The following FAM186A variants were observed in gnomAD, a reference collection of about 807,000 sequenced individuals.
The protein encoded by FAM186A is protein FAM186A.
In FAM186A, 163 loss-of-function variants were observed where a neutral mutation model predicts 216.8. The ratio of observed to expected loss-of-function variants is 0.75; its 90% confidence interval spans 0.66 to 0.86. FAM186A has a LOEUF of 0.86. Among genes scored for constraint, FAM186A ranks in the 40% least tolerant of loss-of-function variants. FAM186A has a pLI of 0.00. For missense variants in FAM186A, 2,184 were observed against 2,746.2 expected (o/e 0.80, Z 4.58); for synonymous variants, 805 against 1,025.3 (o/e 0.79, Z 4.10).
At chr12:50,387,370 C>G (rs1444225219) in intron 1 of FAM186A, among the ~76,000 whole-genome samples, 4 of 152,320 alleles carry the variant, frequency 2.6e-5, no homozygotes, top group Admixed American at 1.3e-4. Context: ...TACATTGTCT[C>G]TGTTGTATAC....
intron 1 of FAM186A, among the ~76,000 whole-genome samples, chr12:50,381,163 G>C (rs998178830): frequency 6.6e-6 from 1 of 152,190 alleles, no homozygotes; most frequent in Non-Finnish European, 1.5e-5. Flanking sequence ...TCCCCGAAGG[G>C]CCACAGCTCT....
At chr12:50,367,997 T>C (rs1213359610) in intron 1 of FAM186A, among the ~76,000 whole-genome samples, 2 of 151,666 alleles carry the variant, frequency 1.3e-5, no homozygotes, top group Non-Finnish European at 2.9e-5. Context: ...ATACAAAAAT[T>C]ATTCAGCTAT....
chr12:50,355,878 C>CT lies in FAM186A; in HGVS notation c.953dup (p.Lys319GlufsTer10). 6.4e-7 allele frequency: 1 copy of CT among 1,551,178 alleles called. No individual in the cohort carries two copies. The highest frequency in any genetic ancestry group is 8.7e-7 in the Non-Finnish European group (1 of 1,146,928). ...ATTTTTCTTCTGCATCTTGAAGTTT[C>CT]TGCTGAAGCATTTCATTTTCGTTAC... On this transcript the variant is annotated frameshift_variant, in exon 4 of 8. Transcript: ENST00000327337. LOFTEE classifies it high-confidence loss of function.
In FAM186A at chr12:50,334,086, C is replaced by G. The variant is rs549981244; in HGVS notation, c.6521G>C (p.Arg2174Pro). Residue 2174 changes from arginine (R) to proline (P), a missense_variant, in exon 5 of 8, where the codon CGA (arginine) becomes CCA (proline). Coordinates refer to ENST00000327337, the MANE Select transcript of FAM186A (RefSeq NM_001145475.3). Reference protein sequence around the residue: ...IQHARNNIMKRLKAIQNTGKG... With the variant: ...IQHARNNIMKPLKAIQNTGKG... ...CCCAGTATTTTGGATGGCTTTTAGTCGTTTCATTATGTTGTTCCTTGAAAA... is the reference window on the plus strand; with the variant it reads ...CCCAGTATTTTGGATGGCTTTTAGTGGTTTCATTATGTTGTTCCTTGAAAA... The G allele has an allele frequency of 1.2e-5, 18 of 1,546,396 alleles. No homozygotes were observed. The highest frequency in any genetic ancestry group is 1.6e-5 in the Non-Finnish European group (18 of 1,145,496).
chr12:50,330,466 T>C, intron 7 of FAM186A, 107 bp downstream of exon 7: 1 of 1,115,718 alleles, frequency 9.0e-7, no homozygotes, highest in Non-Finnish European at 1.3e-6. Flanking sequence ...TACCAAACAT[T>C]ACTTTTGGTT....
intron 1 of FAM186A, among the ~76,000 whole-genome samples, chr12:50,380,692 TA>T (rs778024988): frequency 2.8e-3 from 384 of 138,368 alleles, no homozygotes; most frequent in Middle Eastern, 3.7e-3. Flanking sequence ...TGAGACTGTC[TA>T]AAAAAAAAAA....
chr12:50,370,408 C>T (rs556741819), intron 1 of FAM186A, among the ~76,000 whole-genome samples: 1 of 152,020 alleles, frequency 6.6e-6, no homozygotes, highest in South Asian at 2.1e-4. Flanking sequence ...ATATGTTCAA[C>T]GTAACTAGTA....
At chr12:50,367,037 A>G (rs1321574641) in intron 1 of FAM186A, among the ~76,000 whole-genome samples, 1 of 152,036 alleles carries the variant, frequency 6.6e-6, no homozygotes. Flanking sequence ...AACATATACA[A>G]AAGAAACTAG....
intron 1 of FAM186A, among the ~76,000 whole-genome samples, chr12:50,383,271 AAAAAAAAAGAG>A (rs1303859001): frequency 1.4e-4 from 14 of 103,292 alleles, no homozygotes; most frequent in African/African-American, 3.6e-4. Flanking sequence ...AAAAAAAAAA[AAAAAAAAAGAG>A]AGAGAGAGAG....
Position 50,351,636 on chromosome 12 carries a change from C to A in FAM186A, c.5196G>T (p.Leu1732Phe). Reference protein sequence around the residue: ...LPTGQSIISRLSPSLRLSLAS... With the variant: ...LPTGQSIISRFSPSLRLSLAS... ...CCAGGGACAGCCTAAGACTTGGAGA[C>A]AATCTTGATATGATGGATTGCCCAG... Residue 1732 changes from leucine (L) to phenylalanine (F), a missense_variant, in exon 4 of 8, where the codon TTG (leucine) becomes TTT (phenylalanine). Physicochemically the swap from Leu to Phe is conservative, Grantham distance 22. Around this residue, in one of 7 missense-constraint regions of FAM186A, gnomAD observed 721 missense variants for 816.4 expected, o/e 0.88. Transcript: ENST00000327337. 1 of 1,551,542 alleles carries A rather than the reference C, an allele frequency of 6.4e-7. No homozygotes were observed. The highest frequency in any genetic ancestry group is 2.0e-5 in the Admixed American group (1 of 50,980).
intron 1 of FAM186A, among the ~76,000 whole-genome samples, chr12:50,374,036 T>C (rs1943174054): frequency 6.6e-6 from 1 of 151,282 alleles, no homozygotes; most frequent in Non-Finnish European, 1.5e-5. Context: ...TCATTCTCAG[T>C]AAACTATCGC....
intron 1 of FAM186A, among the ~76,000 whole-genome samples, chr12:50,373,943 C>T (rs1198063630): frequency 6.6e-6 from 1 of 151,776 alleles, no homozygotes; most frequent in Non-Finnish European, 1.5e-5. Context: ...AAATGTGGCA[C>T]ATATACACCA....
chr12:50,363,104 TAAC>T, intron 2 of FAM186A, 38 bp downstream of exon 2: 1 of 1,448,114 alleles, frequency 6.9e-7, no homozygotes, highest in Admixed American at 2.5e-5. Context: ...TCTTTTTCAT[TAAC>T]TTTATGGTTT....
chr12:50,352,302 C>G lies in FAM186A; in HGVS notation c.4530G>C (p.Pro1510=). The G allele has an allele frequency of 1.0e-6, 1 of 983,552 alleles. No homozygotes were observed. The highest frequency in any genetic ancestry group is 2.3e-5 in the African/African-American group (1 of 43,846). 60.9% of individuals were successfully genotyped at this position (983,552 alleles called of 1,614,324 possible). The change falls in exon 4 of 8, where the codon CCG becomes CCC. Residue 1510 remains proline (P), a synonymous_variant. Transcript: ENST00000327337. ...AQALGILLIP[P]QAQELGIPLT... ...GAGGGATCCCCAATTCCTGAGCCTG[C>G]GGAGGGATGAGAAGGATCCCCAGGG...
At chr12:50,394,462 GA>G (rs1177549538) in intron 1 of FAM186A, among the ~76,000 whole-genome samples, 1 of 151,878 alleles carries the variant, frequency 6.6e-6, no homozygotes, top group African/African-American at 2.4e-5. Flanking sequence ...GCTGAGGCAG[GA>G]GAATCACTTG....
Position 50,355,107 on chromosome 12 carries a change from G to C in FAM186A, c.1725C>G (p.Asp575Glu). 1 of 1,551,460 alleles carries C rather than the reference G, an allele frequency of 6.4e-7. No individual in the cohort carries two copies. The highest frequency in any genetic ancestry group is 8.7e-7 in the Non-Finnish European group (1 of 1,146,964). The change falls in exon 4 of 8, where the codon GAC becomes GAG. Residue 575 changes from aspartate to glutamate, a missense_variant. Coordinates refer to ENST00000327337, the MANE Select transcript of FAM186A (RefSeq NM_001145475.3). Reference protein sequence around the residue: ...IKVEPTTESLDKEGKGEIRSL... With the variant: ...IKVEPTTESLEKEGKGEIRSL... ...TTCTAATTTCACCTTTGCCCTCTTT[G>C]TCCAATGACTCAGTGGTGGGTTCCA...
chr12:50,355,094 C>G lies in FAM186A; in HGVS notation c.1738G>C (p.Gly580Arg), dbSNP rs1203513260. 9.0e-6 allele frequency: 14 copies of G among 1,551,646 alleles called. No individual in the cohort carries two copies. Among genetic ancestry groups the G allele is most frequent in the Admixed American group, 3.9e-5 (2 of 50,978 alleles). The change falls in exon 4 of 8, where the codon GGT (glycine) becomes CGT (arginine). Residue 580 changes from glycine to arginine, a missense_variant. By Grantham distance (125) the Gly-to-Arg change is moderately radical. Transcript: ENST00000327337. ...TTESLDKEGK[G>R]EIRSLVEPLS... The stretch of plus-strand genomic sequence containing the variant: ...GGCTCCACTAGGCTTCTAATTTCAC[C>G]TTTGCCCTCTTTGTCCAATGACTCA...
In FAM186A at chr12:50,330,567, A is replaced by G; in HGVS notation, c.7034+6T>C. ...ATTACCAGAGTGCTTCCAGTCCATA[A>G]CTTACCGTGATTGGAGGGATGCAAG... is the stretch of plus-strand genomic sequence containing the variant. On this transcript the variant is annotated splice_donor_region_variant and intron_variant, in intron 7 of 7. Coordinates refer to ENST00000327337, the MANE Select transcript of FAM186A (RefSeq NM_001145475.3). 2 of 1,550,044 alleles carry G rather than the reference A, an allele frequency of 1.3e-6. No homozygotes were observed. The highest frequency in any genetic ancestry group is 1.7e-6 in the Non-Finnish European group (2 of 1,146,440).
At position 50,351,261 on chromosome 12, in the gene FAM186A, A is replaced by T. The variant is rs1264674998; in HGVS notation, c.5571T>A (p.Ser1857=). Residue 1857 remains serine, a synonymous_variant, in exon 4 of 8, where the codon TCT becomes TCA. Coordinates refer to ENST00000327337, the MANE Select transcript of FAM186A (RefSeq NM_001145475.3). ...GQIPSLWAPL[S]PGQPLVPEAS... ...CTTCAGGAACTAAGGGCTGCCCAGG[A>T]GAAAGAGGAGCCCAGAGACTTGGAA... 9 of 1,550,630 alleles carry T rather than the reference A, an allele frequency of 5.8e-6. No homozygotes were observed. The highest frequency in any genetic ancestry group is 7.8e-6 in the Non-Finnish European group (9 of 1,146,648).
Sources: gnomAD v4.1 joint callset for allele counts (sites outside exome capture counted in the v4.1 genomes callset) on GRCh38, gnomAD v4.1.1 for gene constraint, gnomAD v4.1.1 regional missense constraint, MANE v1.5 for transcripts, NCBI Gene and HGNC (gene_info 2026-07-23, HGNC 2026-07-21) for gene names.